SPECC1: variants seen among roughly 807,000 people sequenced by gnomAD.
The protein encoded by SPECC1 is cytospin-B.
In SPECC1, 62 loss-of-function variants were observed where a neutral mutation model predicts 104.1. That is an observed-to-expected ratio of 0.60 (90% CI 0.49 to 0.74). SPECC1 has a LOEUF of 0.74. Ranked by LOEUF, SPECC1 falls within the 30% of genes least tolerant of loss-of-function variation. The probability of loss-of-function intolerance (pLI) is 0.00; values close to 1 mark genes in which losing one functional copy is unlikely to be tolerated. For synonymous variants in SPECC1, 513 were observed against 501.6 expected, an observed-to-expected ratio of 1.02 and a Z score of -0.30; for missense variants, 1,306 against 1,310.5, an observed-to-expected ratio of 1.00 and a Z score of 0.05.
intron 3 of SPECC1, among the ~76,000 whole-genome samples, chr17:20,129,725 TTTGTTGTTG>T (rs143256718): frequency 1.3e-5 from 2 of 151,160 alleles, no homozygotes; most frequent in Admixed American, 6.6e-5. Context: ...TAGAGCCAGT[TTTGTTGTTG>T]TTGTTGTTGT....
rs1452848544 is a variant in SPECC1, at chr17:20,318,140, T to C, written c.*4075T>C. On this transcript the variant is annotated 3_prime_UTR_variant, in exon 15 of 15. Coordinates refer to ENST00000395527, the MANE Select transcript of SPECC1 (RefSeq NM_001243439.2). ...GTCATTTAAAATTCTTCAGTTGTTC[T>C]GAAGATCCTTTTTTTAATGTATCAT... is the stretch of plus-strand genomic sequence containing the variant. The C allele has an allele frequency of 4.3e-6, 1 of 231,328 alleles. No homozygotes were observed. Among genetic ancestry groups the C allele is most frequent in the Non-Finnish European group, 8.6e-6 (1 of 116,922 alleles). The allele number at this position is 231,328 out of a possible 1,614,324, so 14.3% of individuals were successfully genotyped here. A position where few individuals can be genotyped will look rare whatever the true frequency, so the allele number is the denominator to read the frequency against.
intron 1 of SPECC1, among the ~76,000 whole-genome samples, chr17:20,013,463 C>T (rs1166414743): frequency 6.6e-6 from 1 of 152,074 alleles, no homozygotes; most frequent in African/African-American, 2.4e-5. Context: ...ATTTTGATTA[C>T]TGATCTTTTG....
intron 9 of SPECC1, among the ~76,000 whole-genome samples, chr17:20,247,950 A>T (rs968769636): frequency 6.6e-6 from 1 of 152,188 alleles, no homozygotes; most frequent in African/African-American, 2.4e-5. Flanking sequence ...AGAGCATCTG[A>T]AAGTTGGCCC....
At chr17:20,042,707 T>C (rs2045381847) in intron 1 of SPECC1, among the ~76,000 whole-genome samples, 1 of 152,218 alleles carries the variant, frequency 6.6e-6, no homozygotes, top group Admixed American at 6.5e-5. Flanking sequence ...CCTGGTCCTT[T>C]GGCTAGAGAG....
chr17:20,143,819 G>C (rs528408768), intron 3 of SPECC1, among the ~76,000 whole-genome samples: 2 of 152,218 alleles, frequency 1.3e-5, no homozygotes, highest in Non-Finnish European at 2.9e-5. Context: ...CAGCAGGGAT[G>C]GGGGGCTGAT....
chr17:20,270,433 CAAAAAAAAAAAAAAAAAAAAAAA>C (rs71157863), intron 12 of SPECC1, among the ~76,000 whole-genome samples: 1 of 43,550 alleles, frequency 2.3e-5, no homozygotes, highest in African/African-American at 9.5e-5. Flanking sequence ...CTGTCTTTAC[CAAAAAAAAAAAAAAAAAAAAAAA>C]AAAAAAAAAA....
At chr17:20,033,809 CA>C (rs1240834907) in intron 1 of SPECC1, among the ~76,000 whole-genome samples, 1 of 152,180 alleles carries the variant, frequency 6.6e-6, no homozygotes, top group East Asian at 1.9e-4. Flanking sequence ...TCGGTGGGGC[CA>C]AACAAACCAT....
chr17:20,097,220 T>C (rs1320935073), intron 2 of SPECC1, among the ~76,000 whole-genome samples: 1 of 152,186 alleles, frequency 6.6e-6, no homozygotes, highest in Non-Finnish European at 1.5e-5. Flanking sequence ...GAGTGCGTTC[T>C]CCTCTGGTTT....
chr17:20,190,077 A>G (rs755246568), intron 3 of SPECC1, among the ~76,000 whole-genome samples: 1 of 149,654 alleles, frequency 6.7e-6, no homozygotes, highest in Non-Finnish European at 1.5e-5. Context: ...CACTGAGACG[A>G]CCCAAAAGAC....
At position 20,118,929 on chromosome 17, in the gene SPECC1, T is replaced by G. The variant is rs150022278; in HGVS notation, c.283+8367T>G. Among the ~76,000 whole-genome samples the G allele has an allele frequency of 4.5e-3, 681 of 152,346 alleles. 7 individuals carry two copies. Among genetic ancestry groups the G allele is most frequent in the African/African-American group, 0.015 (640 of 41,584 alleles). Reference sequence around the variant, plus strand: ...ATTGTTTGCTTATAGCATCTGCTCCTTTGCACAGGATTCTAGGAAAAGACC... The same window carrying G: ...ATTGTTTGCTTATAGCATCTGCTCCGTTGCACAGGATTCTAGGAAAAGACC... On this transcript the variant is annotated intron_variant, in intron 3 of 14. Transcript: ENST00000395527.
At chr17:20,173,575 T>C (rs2034245548) in intron 3 of SPECC1, among the ~76,000 whole-genome samples, 1 of 152,216 alleles carries the variant, frequency 6.6e-6, no homozygotes, top group Non-Finnish European at 1.5e-5. Flanking sequence ...CATAAAGGAA[T>C]GGCGAAGTAA....
At chr17:20,182,478 A>ATT (rs2034978092) in intron 3 of SPECC1, among the ~76,000 whole-genome samples, 1 of 152,108 alleles carries the variant, frequency 6.6e-6, no homozygotes, top group Non-Finnish European at 1.5e-5. Context: ...TTAAAAAAAG[A>ATT]TAGACAATTT....
At chr17:20,023,273 T>A (rs996003555) in intron 1 of SPECC1, among the ~76,000 whole-genome samples, 1 of 152,236 alleles carries the variant, frequency 6.6e-6, no homozygotes, top group Admixed American at 6.5e-5. Flanking sequence ...CTGATCCATG[T>A]TCTAAACCAT....
chr17:20,084,766 C>T (rs531576544), intron 1 of SPECC1, among the ~76,000 whole-genome samples: 44 of 151,908 alleles, frequency 2.9e-4, no homozygotes, highest in Admixed American at 4.6e-4. Context: ...CAGGTTTCAC[C>T]TTTAGGTCAA....
At chr17:20,285,581 A>G (rs772415611) in intron 12 of SPECC1, among the ~76,000 whole-genome samples, 2 of 152,172 alleles carry the variant, frequency 1.3e-5, no homozygotes, top group Non-Finnish European at 2.9e-5. Context: ...TGTAATTAGT[A>G]ACTAGCATTT....
At chr17:20,300,432 T>C (rs2041532420) in intron 13 of SPECC1, among the ~76,000 whole-genome samples, 1 of 152,198 alleles carries the variant, frequency 6.6e-6, no homozygotes. Context: ...GCACTGAAAA[T>C]AGTCAGAAGG....
At chr17:20,077,747 G>A (rs914374761) in intron 1 of SPECC1, among the ~76,000 whole-genome samples, 6 of 152,116 alleles carry the variant, frequency 3.9e-5, no homozygotes, top group African/African-American at 9.7e-5. Flanking sequence ...GGTTACAAGC[G>A]TGAGCCACCG....
Position 20,317,259 on chromosome 17 carries a change from A to ATTTTTTTTTTT in SPECC1, c.*3205_*3215dup, listed in dbSNP as rs762643888. On this transcript the variant is annotated 3_prime_UTR_variant, in exon 15 of 15. Transcript: ENST00000395527. ...GCAAGACCTCTGACTCTATAAAAAA[A>ATTTTTTTTTTT]TTTTTTTTTTTTTTTTTTTTTGAGA... is the stretch of plus-strand genomic sequence containing the variant. 5.9e-3 allele frequency: 410 copies of ATTTTTTTTTTT among 69,652 alleles called. 55 individuals are homozygous for ATTTTTTTTTTT. Among genetic ancestry groups the ATTTTTTTTTTT allele is most frequent in the African/African-American group, 0.028 (355 of 12,850 alleles). The allele number at this position is 69,652 out of a possible 1,614,324, so 4.3% of individuals were successfully genotyped here.
intron 1 of SPECC1, among the ~76,000 whole-genome samples, chr17:20,036,486 A>G (rs1405500475): frequency 6.6e-6 from 1 of 152,222 alleles, no homozygotes; most frequent in Non-Finnish European, 1.5e-5. Context: ...CATGTACAAC[A>G]TGATGTTTTG....
Sources: allele counts gnomAD v4.1 joint callset (sites outside exome capture counted in the v4.1 genomes callset), GRCh38; gene constraint gnomAD v4.1.1; transcripts MANE v1.5; gene names NCBI Gene and HGNC (gene_info 2026-07-23, HGNC 2026-07-21).